Variants in TIAM2 observed in about 807,000 individuals in gnomAD.
The protein encoded by TIAM2 is rho guanine nucleotide exchange factor TIAM2.
TIAM2 carries 80 observed loss-of-function variants against 152.9 expected under a neutral mutation model. That is an observed-to-expected ratio of 0.52 (90% CI 0.44 to 0.63). The LOEUF is 0.63. Ranked by LOEUF, TIAM2 falls within the 30% of genes least tolerant of loss-of-function variation. TIAM2 has a pLI of 0.00. For synonymous variants in TIAM2, 804 were observed against 838.0 expected (o/e 0.96, Z 0.70); for missense variants, 1,965 against 2,120.1 (o/e 0.93, Z 1.44).
chr6:155,248,043 C>T lies in TIAM2; in HGVS notation c.3696C>T (p.Asn1232=). Residue 1232 remains asparagine (N), a synonymous_variant, in exon 20 of 27, where the codon AAC becomes AAT. Transcript: ENST00000682666. ...TCAAGGCTTTTCTGGACGCCCGGAA[C>T]CCCACCAAGCAGCATTCCTCCACGC... ...KAFKAFLDAR[N]PTKQHSSTLE... The T allele has an allele frequency of 1.2e-6, 2 of 1,614,228 alleles. No individual in the cohort carries two copies. The highest frequency in any genetic ancestry group is 3.3e-5 in the Admixed American group (2 of 60,022).
chr6:155,032,727 A>G (rs2114892769), intron 1 of TIAM2, among the ~76,000 whole-genome samples: 1 of 152,244 alleles, frequency 6.6e-6, no homozygotes, highest in South Asian at 2.1e-4. Flanking sequence ...TTTTTAGTAG[A>G]GACGGGTTTC....
At chr6:155,025,441 A>G (rs902786523) in intron 1 of TIAM2, among the ~76,000 whole-genome samples, 3 of 151,730 alleles carry the variant, frequency 2.0e-5, no homozygotes, top group African/African-American at 4.8e-5. Flanking sequence ...TCAGCCTCCC[A>G]AAGTACTGAG....
At chr6:155,221,040 C>T (rs184365695) in intron 15 of TIAM2, among the ~76,000 whole-genome samples, 1 of 150,672 alleles carries the variant, frequency 6.6e-6, no homozygotes, top group East Asian at 2.0e-4. Context: ...GTTTTCTGTG[C>T]CACAGTACTT....
At chr6:155,056,046 T>C (rs1043945614) in intron 1 of TIAM2, among the ~76,000 whole-genome samples, 6 of 152,206 alleles carry the variant, frequency 3.9e-5, no homozygotes, top group Middle Eastern at 6.8e-3. Context: ...TCTTCCAGGG[T>C]GTTTCTACTT....
At chr6:155,060,722 C>T (rs1016262343) in intron 1 of TIAM2, among the ~76,000 whole-genome samples, 3 of 152,008 alleles carry the variant, frequency 2.0e-5, no homozygotes, top group African/African-American at 7.2e-5. Flanking sequence ...ATGGTGAAAC[C>T]CTGTCTCTAC....
rs1048443935 is a variant in TIAM2 at position 155,218,591 on chromosome 6, G to A, written c.3168+7284G>A. Among the ~76,000 whole-genome samples the A allele has an allele frequency of 5.9e-5, 9 of 152,176 alleles. No individual in the cohort carries two copies. The highest frequency in any genetic ancestry group is 1.3e-4 in the Non-Finnish European group (9 of 68,042). On this transcript the variant is annotated intron_variant, in intron 15 of 26. Transcript: ENST00000682666. The surrounding 1 kb of genome is among the most constrained non-coding windows in gnomAD (Gnocchi z 4.5). Reference sequence around the variant, plus strand: ...ATCACGTGAGATTATGTCCAACTAGGAGCACTGGAAGCAGGGGAGAGAGGA... The same window carrying A: ...ATCACGTGAGATTATGTCCAACTAGAAGCACTGGAAGCAGGGGAGAGAGGA...
At chr6:155,015,397 A>G (rs967248505) in intron 1 of TIAM2, among the ~76,000 whole-genome samples, 1 of 152,142 alleles carries the variant, frequency 6.6e-6, no homozygotes, top group Admixed American at 6.5e-5. Flanking sequence ...CAAGAGAGAC[A>G]GGTCTGGGCT....
intron 1 of TIAM2, among the ~76,000 whole-genome samples, chr6:155,088,405 A>G (rs1257120573): frequency 1.3e-5 from 2 of 152,190 alleles, no homozygotes; most frequent in Non-Finnish European, 2.9e-5. Context: ...TTTCTATAGC[A>G]TGAGTCATTG....
intron 1 of TIAM2, among the ~76,000 whole-genome samples, chr6:155,078,496 G>A (rs1158120093): frequency 6.6e-6 from 1 of 152,174 alleles, no homozygotes; most frequent in Non-Finnish European, 1.5e-5. Context: ...GTGGTTTCAG[G>A]CTTCCTGGTT....
intron 1 of TIAM2, among the ~76,000 whole-genome samples, chr6:155,029,788 T>G (rs1291100933): frequency 2.9e-5 from 4 of 138,868 alleles, no homozygotes; most frequent in Non-Finnish European, 6.4e-5. Context: ...TTTTTGTGTT[T>G]TTTTTGTTTT....
At chr6:155,035,220 C>T (rs1356463205) in intron 1 of TIAM2, among the ~76,000 whole-genome samples, 19 of 124,738 alleles carry the variant, frequency 1.5e-4, no homozygotes, top group Non-Finnish European at 2.9e-4. Flanking sequence ...TTACATGTAT[C>T]GTCCTATTTT....
Position 155,257,041 on chromosome 6 carries a change from C to A in TIAM2, c.5026C>A (p.Arg1676=), listed in dbSNP as rs201575258. 1 of 1,613,978 alleles carries A rather than the reference C, an allele frequency of 6.2e-7. No individual in the cohort carries two copies. Among genetic ancestry groups the A allele is most frequent in the African/African-American group, 1.3e-5 (1 of 74,882 alleles). Residue 1676 remains arginine, a synonymous_variant, in exon 27 of 27, where the codon CGA becomes AGA. Coordinates refer to ENST00000682666, the MANE Select transcript of TIAM2 (RefSeq NM_012454.4). ...CATCGACCTAAATTCTGTTCTAGAG[C>A]GAGAATTCAGTGTCCAGAGTTTAAC... The part of the protein sequence containing the change: ...ATIDLNSVLE[R]EFSVQSLTSV...
chr6:155,078,141 C>T (rs996114384), intron 1 of TIAM2, among the ~76,000 whole-genome samples: 4 of 152,018 alleles, frequency 2.6e-5, no homozygotes, highest in African/African-American at 9.7e-5. Context: ...TCCTCCTGGG[C>T]TCAAGTGATC....
At chr6:155,047,195 G>A (rs1777194175) in intron 1 of TIAM2, among the ~76,000 whole-genome samples, 1 of 152,076 alleles carries the variant, frequency 6.6e-6, no homozygotes, top group African/African-American at 2.4e-5. Context: ...ACTTTTTTGA[G>A]ATGGGGTCTC....
intron 14 of TIAM2, among the ~76,000 whole-genome samples, chr6:155,195,103 G>C (rs900949862): frequency 1.3e-5 from 2 of 152,222 alleles, no homozygotes; most frequent in African/African-American, 4.8e-5. Flanking sequence ...TTTATTAGCA[G>C]TGTGAGAATG....
chr6:155,204,661 C>T (rs1232171162), intron 14 of TIAM2, among the ~76,000 whole-genome samples: 1 of 152,046 alleles, frequency 6.6e-6, no homozygotes, highest in Non-Finnish European at 1.5e-5. Flanking sequence ...AATCAATGTA[C>T]TATAATATAT....
At chr6:155,042,823 A>T (rs749293101) in intron 1 of TIAM2, among the ~76,000 whole-genome samples, 2 of 152,194 alleles carry the variant, frequency 1.3e-5, no homozygotes, top group African/African-American at 2.4e-5. Flanking sequence ...ACACATTGTT[A>T]GTAACTATAG....
At chr6:155,045,161 T>C (rs1159890033) in intron 1 of TIAM2, among the ~76,000 whole-genome samples, 6 of 151,420 alleles carry the variant, frequency 4.0e-5, no homozygotes. Context: ...CTGCCTTCCG[T>C]GTTCACACGA....
chr6:155,004,013 G>A (rs1778358898), intron 1 of TIAM2, among the ~76,000 whole-genome samples: 2 of 152,166 alleles, frequency 1.3e-5, no homozygotes, highest in African/African-American at 4.8e-5. Context: ...GAGATGTTTT[G>A]CACTTATGTG....
Sources: gnomAD v4.1 joint callset for allele counts (sites outside exome capture counted in the v4.1 genomes callset) on GRCh38, gnomAD v4.1.1 for gene constraint, Gnocchi (gnomAD v3.1) non-coding constraint, MANE v1.5 for transcripts, NCBI Gene and HGNC (gene_info 2026-07-23, HGNC 2026-07-21) for gene names.